The following CPED1 variants were observed in gnomAD, a reference collection of about 807,000 sequenced individuals.
The protein encoded by CPED1 is cadherin like and PC-esterase domain containing 1.
Under a neutral mutation model 128.2 loss-of-function variants are expected in CPED1, and 114 were observed. The ratio of observed to expected loss-of-function variants is 0.89; its 90% CI spans 0.76 to 1.04. The LOEUF is 1.04. CPED1 is among the 50% of genes least tolerant of loss of function. The pLI is 0.00. For synonymous variants in CPED1, 462 were observed against 426.7 expected (o/e 1.08, Z -1.02); for missense variants, 1,211 against 1,207.1 (o/e 1.00, Z -0.05).
chr7:121,296,472 T>C lies in CPED1; in HGVS notation c.*820T>C, dbSNP rs930161357. 7 of 152,174 alleles carry C rather than the reference T, an allele frequency of 4.6e-5. No homozygotes were observed. The highest frequency in any genetic ancestry group is 1.7e-4 in the African/African-American group (7 of 41,450). 9.4% of individuals were successfully genotyped at this position (152,174 alleles called of 1,614,324 possible). ...TGATGATATTACTTAAATCTTGTGT[T>C]TGCCATTACAGCCCTATGTAACTTA... is the stretch of plus-strand genomic sequence containing the variant. On this transcript the variant is annotated 3_prime_UTR_variant, in exon 23 of 23. Transcript: ENST00000310396.
At chr7:121,185,242 T>C (rs959209575) in intron 16 of CPED1, among the ~76,000 whole-genome samples, 1 of 152,138 alleles carries the variant, frequency 6.6e-6, no homozygotes, top group African/African-American at 2.4e-5. Flanking sequence ...AAATATTCAC[T>C]AGACTGAAAT....
In CPED1 at chr7:121,113,229, G is replaced by T. The variant is rs73717453; in HGVS notation, c.919-11102G>T. On this transcript the variant is annotated intron_variant, in intron 7 of 22. Coordinates refer to ENST00000310396, the MANE Select transcript of CPED1 (RefSeq NM_024913.5). ...TTCAACTCAGTTGTACTCCAGAACT[G>T]TTTGGAAATCCCTACTATGTGCTGG... Among the ~76,000 whole-genome samples the T allele has an allele frequency of 0.021, 3,174 of 152,280 alleles. 164 individuals carry two copies. The East Asian group carries it at 0.23, about 11-fold the overall frequency.
chr7:121,288,046 T>C (rs1384449246), intron 22 of CPED1, among the ~76,000 whole-genome samples: 1 of 152,188 alleles, frequency 6.6e-6, no homozygotes, highest in African/African-American at 2.4e-5. Flanking sequence ...GTTTGGTAAT[T>C]TTCTGTAATG....
intron 5 of CPED1, among the ~76,000 whole-genome samples, chr7:121,065,122 A>G (rs2538491): frequency 0.91 from 138,290 of 152,204 alleles, 62,918 homozygotes; most frequent in Middle Eastern, 0.99. Context: ...TAATCCATCA[A>G]CTTTCCCATT....
At chr7:121,109,900 A>C (rs1795065006) in intron 7 of CPED1, among the ~76,000 whole-genome samples, 1 of 152,244 alleles carries the variant, frequency 6.6e-6, no homozygotes, top group South Asian at 2.1e-4. Flanking sequence ...GTGATTTTAC[A>C]ACATGAATAG....
intron 17 of CPED1, among the ~76,000 whole-genome samples, chr7:121,241,018 TAGAA>T (rs1169637478): frequency 2.6e-5 from 4 of 152,050 alleles, no homozygotes; most frequent in African/African-American, 7.2e-5. Flanking sequence ...GAATTAGAAT[TAGAA>T]AGCAAGATAT....
chr7:121,053,777 G>A (rs911307261), intron 4 of CPED1, among the ~76,000 whole-genome samples: 12 of 152,014 alleles, frequency 7.9e-5, no homozygotes, highest in Admixed American at 1.3e-4. Flanking sequence ...TTTTTCTCCC[G>A]AATTTATTTA....
intron 3 of CPED1, among the ~76,000 whole-genome samples, chr7:121,024,610 T>G (rs1792524465): frequency 6.6e-6 from 1 of 152,192 alleles, no homozygotes; most frequent in Non-Finnish European, 1.5e-5. Context: ...TAGATGTACT[T>G]TCTTTTATTT....
At chr7:121,089,226 A>G (rs1794520319) in intron 5 of CPED1, among the ~76,000 whole-genome samples, 1 of 152,158 alleles carries the variant, frequency 6.6e-6, no homozygotes, top group Non-Finnish European at 1.5e-5. Context: ...TCTAACCCTC[A>G]TTAGATTTCA....
At chr7:121,006,311 G>A (rs996746151) in intron 2 of CPED1, among the ~76,000 whole-genome samples, 3 of 151,868 alleles carry the variant, frequency 2.0e-5, no homozygotes, top group Admixed American at 6.6e-5. Flanking sequence ...TCTTCATTAC[G>A]GACGTCCTTT....
At chr7:121,266,194 C>A in intron 18 of CPED1, 33 bp from the exon 19 acceptor site, 2 of 1,529,968 alleles carry the variant, frequency 1.3e-6, no homozygotes, top group Non-Finnish European at 1.8e-6. Context: ...TAAACATAAG[C>A]TTTTAAACAA....
rs76513936 is a variant in CPED1, at chr7:121,280,291, G to T, written c.2868+8861G>T. 4.7e-4 allele frequency among the ~76,000 whole-genome samples: 72 copies of T among 152,250 alleles called. No homozygotes were observed. In the East Asian group the frequency reaches 0.012, roughly 26 times the overall value. On this transcript the variant is annotated intron_variant, in intron 22 of 22. Coordinates refer to ENST00000310396, the MANE Select transcript of CPED1 (RefSeq NM_024913.5). ...TTGGGAAATTGAGTTTAAGACAGGG[G>T]AATTTAGTGTCTGGGGAACTGCATG...
intron 7 of CPED1, among the ~76,000 whole-genome samples, chr7:121,116,220 G>A (rs1381119549): frequency 6.6e-6 from 1 of 152,138 alleles, no homozygotes. Flanking sequence ...CTGTTAAGAA[G>A]TACGAATGAG....
intron 4 of CPED1, among the ~76,000 whole-genome samples, chr7:121,058,828 T>C (rs1381926205): frequency 2.0e-5 from 3 of 152,226 alleles, no homozygotes; most frequent in African/African-American, 7.2e-5. Context: ...AACATAGATA[T>C]TCACAACAGA....
chr7:121,084,445 A>G (rs2116153750), intron 5 of CPED1, among the ~76,000 whole-genome samples: 1 of 152,286 alleles, frequency 6.6e-6, no homozygotes, highest in South Asian at 2.1e-4. Context: ...GCTTCCACTC[A>G]TCTGTAGAAT....
In CPED1 at chr7:121,295,734, C is replaced by A; in HGVS notation, c.*82C>A. The A allele has an allele frequency of 8.5e-7, 1 of 1,180,552 alleles. No individual in the cohort carries two copies. The highest frequency in any genetic ancestry group is 1.2e-6 in the Non-Finnish European group (1 of 801,668). The allele number at this position is 1,180,552 out of a possible 1,614,324, so 73.1% of individuals were successfully genotyped here. A position where few individuals can be genotyped will look rare whatever the true frequency, so the allele number is the denominator to read the frequency against. On this transcript the variant is annotated 3_prime_UTR_variant, in exon 23 of 23. Coordinates refer to ENST00000310396, the MANE Select transcript of CPED1 (RefSeq NM_024913.5). The stretch of plus-strand genomic sequence containing the variant: ...GGTCTAGGAGCCAAGCGCTGCACAT[C>A]GCACACATTTGGGATCGACCACACA...
Position 121,282,321 on chromosome 7 carries a change from G to A in CPED1, c.2868+10891G>A, listed in dbSNP as rs897748492. On this transcript the variant is annotated intron_variant, in intron 22 of 22. Coordinates refer to ENST00000310396, the MANE Select transcript of CPED1 (RefSeq NM_024913.5). ...TATTATGCTTCAAAGGTAACCTAAC[G>A]TGTATTGCAAGCAGCTTTCTTTCAA... is the stretch of plus-strand genomic sequence containing the variant. 3.9e-5 allele frequency among the ~76,000 whole-genome samples: 6 copies of A among 152,184 alleles called. No homozygotes were observed. In the East Asian group the frequency reaches 5.8e-4, roughly 15 times the overall value.
chr7:121,258,921 C>G (rs1313253226), intron 18 of CPED1, among the ~76,000 whole-genome samples: 1 of 151,982 alleles, frequency 6.6e-6, no homozygotes, highest in Non-Finnish European at 1.5e-5. Context: ...CAAGCTTCTA[C>G]TTTGGGAACA....
intron 12 of CPED1, among the ~76,000 whole-genome samples, chr7:121,131,498 T>G (rs904602287): frequency 3.9e-4 from 59 of 151,950 alleles, no homozygotes; most frequent in African/African-American, 1.3e-3. Context: ...CAAAGTTTTT[T>G]TTTTTTTTTT....
Sources: gnomAD v4.1 joint callset for allele counts (sites outside exome capture counted in the v4.1 genomes callset) on GRCh38, gnomAD v4.1.1 for gene constraint, MANE v1.5 for transcripts, NCBI Gene and HGNC (gene_info 2026-07-23, HGNC 2026-07-21) for gene names.